FLYWCH1: variants seen among roughly 807,000 people sequenced by gnomAD.
FLYWCH1 encodes the protein FLYWCH-type zinc finger-containing protein 1.
Under a neutral mutation model 66.4 loss-of-function variants are expected in FLYWCH1, and 75 were observed. The ratio of observed to expected loss-of-function variants is 1.13; its 90% CI spans 0.94 to 1.37. The LOEUF is 1.37. FLYWCH1 is among the 40% of genes most tolerant of loss of function. The probability of loss-of-function intolerance (pLI) is 0.00; values close to 1 mark genes in which losing one functional copy is unlikely to be tolerated. For missense variants in FLYWCH1, 1,334 were observed against 1,001.8 expected (o/e 1.33, Z -4.48); for synonymous variants, 595 against 429.9 (o/e 1.38, Z -4.75).
chr16:2,934,469 C>A, intron 6 of FLYWCH1: 1 of 356,714 alleles, frequency 2.8e-6, no homozygotes, highest in South Asian at 2.1e-5. Flanking sequence ...CGGCTGTCTC[C>A]ATCTTTATCC....
At chr16:2,923,040 TTTTG>T in intron 2 of FLYWCH1, 1 of 438,848 alleles carries the variant, frequency 2.3e-6, no homozygotes, top group Non-Finnish European at 4.4e-6. Context: ...GTGGATCTTT[TTTTG>T]TGTGTGTGTG....
chr16:2,944,039 T>C (rs2071378994), intron 9 of FLYWCH1, among the ~76,000 whole-genome samples: 4 of 152,072 alleles, frequency 2.6e-5, no homozygotes, highest in African/African-American at 9.7e-5. Flanking sequence ...GAGGCTGCAG[T>C]GAGCTGTGAT....
intron 4 of FLYWCH1, among the ~76,000 whole-genome samples, chr16:2,931,196 A>C (rs1175749106): frequency 1.5e-4 from 22 of 151,068 alleles, no homozygotes; most frequent in Non-Finnish European, 1.5e-5. Flanking sequence ...CCAGCTACTC[A>C]GGAGACTGAG....
rs950767191 is a variant in FLYWCH1, at chr16:2,940,029, C to T, written c.2051-3C>T. ...ATTCATATTTTCAATTATTTTTCCA[C>T]AGAAAAGATTCAAGTTCAGCTGTGC... On this transcript the variant is annotated splice_polypyrimidine_tract_variant and splice_region_variant and intron_variant, in intron 8 of 9. Coordinates refer to ENST00000253928, the MANE Select transcript of FLYWCH1 (RefSeq NM_001308068.2). 23 of 1,601,834 alleles carry T rather than the reference C, an allele frequency of 1.4e-5. No individual in the cohort carries two copies. The East Asian group carries it at 4.9e-4, about 34-fold the overall frequency.
rs781602687 is a variant in FLYWCH1 at position 2,948,757 on chromosome 16, C to T, written c.*30C>T. On this transcript the variant is annotated 3_prime_UTR_variant, in exon 10 of 10. Coordinates refer to ENST00000253928, the MANE Select transcript of FLYWCH1 (RefSeq NM_001308068.2). ...ATGTGGGCAGAGGAGCTCCGAGCCG[C>T]CCACCCAAGGTGGCTTCACATCCAC... 1.2e-5 allele frequency: 19 copies of T among 1,612,896 alleles called. No individual in the cohort carries two copies. The highest frequency in any genetic ancestry group is 1.5e-5 in the Non-Finnish European group (18 of 1,179,040).
At position 2,949,479 on chromosome 16, in the gene FLYWCH1, G is replaced by A. The variant is rs1444224967; in HGVS notation, c.*752G>A. ...CCCTGGCTGAGGCCAGCGGCATCCTGGGTGGCCCAGGTCCATCCTGGGCAG... is the reference window on the plus strand; with the variant it reads ...CCCTGGCTGAGGCCAGCGGCATCCTAGGTGGCCCAGGTCCATCCTGGGCAG... On this transcript the variant is annotated 3_prime_UTR_variant, in exon 10 of 10. Coordinates refer to ENST00000253928, the MANE Select transcript of FLYWCH1 (RefSeq NM_001308068.2). 1 of 152,162 alleles carries A rather than the reference G, an allele frequency of 6.6e-6. No homozygotes were observed. The highest frequency in any genetic ancestry group is 2.4e-5 in the African/African-American group (1 of 41,424). 9.4% of individuals were successfully genotyped at this position (152,162 alleles called of 1,614,324 possible).
intron 2 of FLYWCH1, among the ~76,000 whole-genome samples, chr16:2,914,513 G>A (rs1170464895): frequency 6.6e-6 from 1 of 152,214 alleles, no homozygotes; most frequent in Non-Finnish European, 1.5e-5. Context: ...GGGAGAAGGG[G>A]AGAGAGGACA....
intron 2 of FLYWCH1, among the ~76,000 whole-genome samples, chr16:2,923,549 G>A (rs540699114): frequency 6.6e-6 from 1 of 152,164 alleles, no homozygotes; most frequent in Admixed American, 6.5e-5. Context: ...CCCGGGCAGT[G>A]CAGATGTTTT....
intron 9 of FLYWCH1, among the ~76,000 whole-genome samples, chr16:2,945,597 C>T (rs570673438): frequency 6.9e-5 from 10 of 145,286 alleles, no homozygotes; most frequent in South Asian, 2.2e-4. Flanking sequence ...GCACCGAGAT[C>T]GTGCCACTGC....
At chr16:2,929,586 C>T in intron 2 of FLYWCH1, 27 bp from the exon 3 acceptor site, 2 of 1,427,636 alleles carry the variant, frequency 1.4e-6, no homozygotes, top group Non-Finnish European at 9.3e-7. Flanking sequence ...GCTTCCACCA[C>T]TGACGGGATT....
At chr16:2,923,910 G>C (rs1310152314) in intron 2 of FLYWCH1, among the ~76,000 whole-genome samples, 2 of 152,082 alleles carry the variant, frequency 1.3e-5, no homozygotes, top group African/African-American at 4.8e-5. Context: ...ATGTTGGCGG[G>C]CACCTGTAAT....
intron 6 of FLYWCH1, chr16:2,936,445 C>G (rs1453996854): frequency 1.1e-5 from 5 of 450,100 alleles, no homozygotes; most frequent in Non-Finnish European, 2.2e-5. Context: ...CAGCCAGACA[C>G]CCTCCCGCCC....
At chr16:2,945,672 C>G (rs2071450397) in intron 9 of FLYWCH1, among the ~76,000 whole-genome samples, 1 of 150,204 alleles carries the variant, frequency 6.7e-6, no homozygotes, top group South Asian at 2.1e-4. Flanking sequence ...AAATTAAAGT[C>G]CAACTTAAAA....
chr16:2,938,553 T>C, intron 8 of FLYWCH1, 97 bp downstream of exon 8: 1 of 1,073,964 alleles, frequency 9.3e-7, no homozygotes, highest in Non-Finnish European at 1.2e-6. Flanking sequence ...CTGAGCAGAC[T>C]GCTTTTGTGC....
chr16:2,917,608 C>A (rs960110584), intron 2 of FLYWCH1, among the ~76,000 whole-genome samples: 6 of 151,992 alleles, frequency 3.9e-5, no homozygotes, highest in Admixed American at 1.3e-4. Flanking sequence ...TAAAATACTT[C>A]AGGTATTTTA....
In FLYWCH1 at chr16:2,933,863, C is replaced by T. The variant is rs1281936292; in HGVS notation, c.1397C>T (p.Thr466Ile). The T allele has an allele frequency of 3.7e-6, 6 of 1,603,876 alleles. No homozygotes were observed. The highest frequency in any genetic ancestry group is 2.6e-6 in the Non-Finnish European group (3 of 1,175,718). ...ATGGGCTGCCGCAGCCGCGCCATCA[C>T]CCAGGGCCGACGGGTGACTGTCATG... ...ARMGCRSRAI[T>I]QGRRVTVMRG... is the part of the protein sequence containing the mutation. The change falls in exon 6 of 10, where the codon ACC becomes ATC. Residue 466 changes from threonine to isoleucine, a missense_variant. Transcript: ENST00000253928.
intron 4 of FLYWCH1, among the ~76,000 whole-genome samples, chr16:2,931,843 T>G (rs1381373250): frequency 2.5e-4 from 36 of 142,648 alleles, no homozygotes; most frequent in African/African-American, 7.5e-4. Context: ...GCTGGGCGCT[T>G]TGGCTCACGC....
At position 2,929,837 on chromosome 16, in the gene FLYWCH1, A is replaced by G; in HGVS notation, c.152A>G (p.Asp51Gly). The change falls in exon 3 of 10, where the codon GAT (aspartate) becomes GGT (glycine). Residue 51 changes from aspartate to glycine, a missense_variant. Coordinates refer to ENST00000253928, the MANE Select transcript of FLYWCH1 (RefSeq NM_001308068.2). Reference protein sequence around the residue: ...KLVLLTASDQDEDGVGSKPQE... With the variant: ...KLVLLTASDQGEDGVGSKPQE... ...GTGCTGCTCACAGCCTCCGACCAAG[A>G]TGAGGATGGGGTGGGATCCAAGCCC... is the stretch of plus-strand genomic sequence containing the variant. 6.2e-7 allele frequency: 1 copy of G among 1,613,932 alleles called. No homozygotes were observed. The highest frequency in any genetic ancestry group is 8.5e-7 in the Non-Finnish European group (1 of 1,179,872).
intron 3 of FLYWCH1, 145 bp downstream of exon 3, chr16:2,930,155 C>A: frequency 1.3e-6 from 1 of 773,406 alleles, no homozygotes; most frequent in Non-Finnish European, 2.0e-6. Context: ...GTGTCCGAGG[C>A]TGGTGGGATG....
Sources: gnomAD v4.1 joint callset for allele counts (sites outside exome capture counted in the v4.1 genomes callset) on GRCh38, gnomAD v4.1.1 for gene constraint, MANE v1.5 for transcripts, NCBI Gene and HGNC (gene_info 2026-07-23, HGNC 2026-07-21) for gene names.